SLC35E3: variants seen among roughly 807,000 people sequenced by gnomAD.
SLC35E3 encodes bladder cancer-overexpressed gene 1 protein.
A neutral mutation model predicts 30.8 loss-of-function variants in SLC35E3; 28 were observed. That is an observed-to-expected ratio of 0.91 (90% CI 0.67 to 1.25). The LOEUF is 1.25. Among genes scored for constraint, SLC35E3 ranks in the 50% most tolerant of loss-of-function variants. The pLI is 0.00. For synonymous variants in SLC35E3, 146 were observed against 149.2 expected, an observed-to-expected ratio of 0.98 and a Z score of 0.16; for missense variants, 365 against 375.4, an observed-to-expected ratio of 0.97 and a Z score of 0.23.
rs1879365581 is a variant in SLC35E3, at chr12:68,765,441, G to C, written c.*551G>C. On this transcript the variant is annotated 3_prime_UTR_variant, in exon 5 of 5. Transcript: ENST00000398004. The stretch of plus-strand genomic sequence containing the variant: ...TTGTATAAAATGTATGGAATGGTTA[G>C]CCTGGTGTGGTGGTGCACACCTGTA... 1 of 151,682 alleles carries C rather than the reference G, an allele frequency of 6.6e-6. No individual in the cohort carries two copies. Among genetic ancestry groups the C allele is most frequent in the Non-Finnish European group, 1.5e-5 (1 of 68,026 alleles). The allele number at this position is 151,682 out of a possible 1,614,324, so 9.4% of individuals were successfully genotyped here.
At chr12:68,751,281 TC>T (rs1268563124) in intron 2 of SLC35E3, among the ~76,000 whole-genome samples, 6 of 147,292 alleles carry the variant, frequency 4.1e-5, no homozygotes, top group Admixed American at 2.7e-4. Context: ...TGTCATCGTG[TC>T]CCCCCAACCT....
At chr12:68,762,632 A>C (rs1332306102) in intron 4 of SLC35E3, among the ~76,000 whole-genome samples, 1 of 152,244 alleles carries the variant, frequency 6.6e-6, no homozygotes, top group East Asian at 1.9e-4. Context: ...GGATTCATAA[A>C]TAGTTTCTTT....
chr12:68,756,227 T>A (rs1486229760), intron 3 of SLC35E3, among the ~76,000 whole-genome samples: 10 of 149,230 alleles, frequency 6.7e-5, no homozygotes, highest in Admixed American at 5.4e-4. Context: ...AGAGACCTTA[T>A]ACTACAAGGA....
chr12:68,764,787 A>T lies in SLC35E3; in HGVS notation c.839A>T (p.Gln280Leu). 1 of 1,614,156 alleles carries T rather than the reference A, an allele frequency of 6.2e-7. No individual in the cohort carries two copies. Among genetic ancestry groups the T allele is most frequent in the Non-Finnish European group, 8.5e-7 (1 of 1,180,004 alleles). Reference protein sequence around the residue: ...VLFKDPLSINQALGILCTLFG... With the variant: ...VLFKDPLSINLALGILCTLFG... Reference sequence around the variant, plus strand: ...TTTAAGGATCCACTGTCCATTAATCAGGCCCTTGGCATTTTATGTACATTA... The same window carrying T: ...TTTAAGGATCCACTGTCCATTAATCTGGCCCTTGGCATTTTATGTACATTA... Residue 280 changes from glutamine to leucine, a missense_variant, in exon 5 of 5, where the codon CAG (glutamine) becomes CTG (leucine). Gln to Leu is a moderately radical substitution (Grantham distance 113, BLOSUM62 -2). Coordinates refer to ENST00000398004, the MANE Select transcript of SLC35E3 (RefSeq NM_018656.5).
At chr12:68,763,758 G>C (rs1186009815) in intron 4 of SLC35E3, among the ~76,000 whole-genome samples, 2 of 152,180 alleles carry the variant, frequency 1.3e-5, no homozygotes, top group African/African-American at 4.8e-5. Flanking sequence ...CAATGATTTG[G>C]AAAAATCTTA....
Position 68,777,328 on chromosome 12 carries a change from T to C in SLC35E3, c.*12438T>C, listed in dbSNP as rs1421665049. 1.3e-5 allele frequency: 2 copies of C among 152,116 alleles called. No individual in the cohort carries two copies. Among genetic ancestry groups the C allele is most frequent in the Non-Finnish European group, 2.9e-5 (2 of 68,042 alleles). 9.4% of individuals were successfully genotyped at this position (152,116 alleles called of 1,614,324 possible). ...CAAGCACAGTGCTATTCTTCTGAAA[T>C]CATAACATCATGAGGACATCCACTG... On this transcript the variant is annotated 3_prime_UTR_variant, in exon 5 of 5. Coordinates refer to ENST00000398004, the MANE Select transcript of SLC35E3 (RefSeq NM_018656.5).
At chr12:68,762,627 CATAA>C (rs2136078091) in intron 4 of SLC35E3, among the ~76,000 whole-genome samples, 1 of 152,260 alleles carries the variant, frequency 6.6e-6, no homozygotes, top group African/African-American at 2.4e-5. Flanking sequence ...CAAAAGGATT[CATAA>C]ATAGTTTCTT....
At chr12:68,757,905 T>G (rs1286776057) in intron 3 of SLC35E3, among the ~76,000 whole-genome samples, 2 of 150,640 alleles carry the variant, frequency 1.3e-5, no homozygotes, top group Non-Finnish European at 2.9e-5. Context: ...CTGGCCAACA[T>G]GGTGAAACCC....
At position 68,766,724 on chromosome 12, in the gene SLC35E3, A is replaced by G. The variant is rs1197083874; in HGVS notation, c.*1834A>G. The G allele has an allele frequency of 2.2e-6, 1 of 445,926 alleles. No individual in the cohort carries two copies. The highest frequency in any genetic ancestry group is 4.5e-6 in the Non-Finnish European group (1 of 223,620). The allele number at this position is 445,926 out of a possible 1,614,324, so 27.6% of individuals were successfully genotyped here. A position where few individuals can be genotyped will look rare whatever the true frequency, so the allele number is the denominator to read the frequency against. On this transcript the variant is annotated 3_prime_UTR_variant, in exon 5 of 5. Transcript: ENST00000398004. ...CTCAACCTCCCCAGTAGCTGGGACTACAGGTGCACACCAACATACCTGGCT... is the reference window on the plus strand; with the variant it reads ...CTCAACCTCCCCAGTAGCTGGGACTGCAGGTGCACACCAACATACCTGGCT...
At chr12:68,748,134 A>G in intron 2 of SLC35E3, 94 bp downstream of exon 2, 1 of 723,634 alleles carries the variant, frequency 1.4e-6, no homozygotes, top group Non-Finnish European at 2.4e-6. Context: ...TATAGAGACA[A>G]TAGACTGTTG....
rs182285632 is a variant in SLC35E3 at position 68,769,687 on chromosome 12, C to A, written c.*4797C>A. On this transcript the variant is annotated 3_prime_UTR_variant, in exon 5 of 5. Coordinates refer to ENST00000398004, the MANE Select transcript of SLC35E3 (RefSeq NM_018656.5). ...AAATAAATAATAAAAGAAAGGAGAC[C>A]GGATTTATTAGATGTGGTCCGTTTT... The A allele has an allele frequency of 6.6e-6, 1 of 152,042 alleles. No homozygotes were observed. The highest frequency in any genetic ancestry group is 2.4e-5 in the African/African-American group (1 of 41,492). 9.4% of individuals were successfully genotyped at this position (152,042 alleles called of 1,614,324 possible).
rs537537687 is a variant in SLC35E3, at chr12:68,778,385, T to C, written c.*13495T>C. ...ATAGGTTATCTGTACTCAACAAGCC[T>C]AGAACACACACTCCTTTCAAGTACC... On this transcript the variant is annotated 3_prime_UTR_variant, in exon 5 of 5. Coordinates refer to ENST00000398004, the MANE Select transcript of SLC35E3 (RefSeq NM_018656.5). The C allele has an allele frequency of 6.6e-6, 1 of 152,202 alleles. No individual in the cohort carries two copies. 9.4% of individuals were successfully genotyped at this position (152,202 alleles called of 1,614,324 possible).
rs1879853667 is a variant in SLC35E3 at position 68,780,432 on chromosome 12, C to T, written c.*15542C>T. ...AAGAGATCTGCCCACCTTGGCCTCT[C>T]AAAGTGCTGGGATTACAGGCGTGAG... On this transcript the variant is annotated 3_prime_UTR_variant, in exon 5 of 5. Coordinates refer to ENST00000398004, the MANE Select transcript of SLC35E3 (RefSeq NM_018656.5). 1 of 150,018 alleles carries T rather than the reference C, an allele frequency of 6.7e-6. No individual in the cohort carries two copies. The highest frequency in any genetic ancestry group is 1.5e-5 in the Non-Finnish European group (1 of 67,864). The allele number at this position is 150,018 out of a possible 1,614,324, so 9.3% of individuals were successfully genotyped here.
rs1182617501 is a variant in SLC35E3 at position 68,759,126 on chromosome 12, T to G, written c.673-31T>G. On this transcript the variant is annotated intron_variant, in intron 3 of 4. Coordinates refer to ENST00000398004, the MANE Select transcript of SLC35E3 (RefSeq NM_018656.5). ...CTTGATGATTATGATTGCAGTGCTT[T>G]GCATTAATGGTTCTTTTGGTTTATT... The G allele has an allele frequency of 3.5e-6, 5 of 1,445,492 alleles. No individual in the cohort carries two copies. The African/African-American group carries it at 4.2e-5, about 12-fold the overall frequency. The allele number at this position is 1,445,492 out of a possible 1,614,324, so 89.5% of individuals were successfully genotyped here.
In SLC35E3 at chr12:68,768,263, TG is replaced by T. The variant is rs1370585599; in HGVS notation, c.*3376del. Reference sequence around the variant, plus strand: ...GAGACTGCGCCATTGCACACCAGCCTGGGTGACGAGAGTGAAACTCTGTCTC... The same window carrying T: ...GAGACTGCGCCATTGCACACCAGCCTGGTGACGAGAGTGAAACTCTGTCTC... On this transcript the variant is annotated 3_prime_UTR_variant, in exon 5 of 5. Transcript: ENST00000398004. 6.6e-6 allele frequency: 1 copy of T among 151,492 alleles called. No individual in the cohort carries two copies. Among genetic ancestry groups the T allele is most frequent in the Non-Finnish European group, 1.5e-5 (1 of 67,968 alleles). 9.4% of individuals were successfully genotyped at this position (151,492 alleles called of 1,614,324 possible).
intron 2 of SLC35E3, among the ~76,000 whole-genome samples, chr12:68,748,456 C>T (rs1878677532): frequency 6.6e-6 from 1 of 151,788 alleles, no homozygotes; most frequent in Admixed American, 6.6e-5. Context: ...GATGTTTTTG[C>T]CTCAAAAATT....
chr12:68,768,872 TG>T lies in SLC35E3; in HGVS notation c.*3983del, dbSNP rs1230275678. 1.3e-5 allele frequency: 2 copies of T among 152,388 alleles called. No homozygotes were observed. Among genetic ancestry groups the T allele is most frequent in the East Asian group, 3.9e-4 (2 of 5,190 alleles). 9.4% of individuals were successfully genotyped at this position (152,388 alleles called of 1,614,324 possible). On this transcript the variant is annotated 3_prime_UTR_variant, in exon 5 of 5. Transcript: ENST00000398004. ...CTGTGAAATGAAGTAAGCATTCTTC[TG>T]TTTCACTTTTTAAAATACTTTTAAA...
intron 3 of SLC35E3, among the ~76,000 whole-genome samples, chr12:68,757,315 T>C (rs576298974): frequency 6.6e-6 from 1 of 152,286 alleles, no homozygotes; most frequent in South Asian, 2.1e-4. Flanking sequence ...CCTAACAAAG[T>C]AGAGTAATTG....
At chr12:68,757,676 T>C (rs113045317) in intron 3 of SLC35E3, among the ~76,000 whole-genome samples, 3 of 152,256 alleles carry the variant, frequency 2.0e-5, no homozygotes, top group Non-Finnish European at 4.4e-5. Flanking sequence ...ATGATTTTTA[T>C]TATGTCCTCA....
Sources: gnomAD v4.1 joint callset for allele counts (sites outside exome capture counted in the v4.1 genomes callset) on GRCh38, gnomAD v4.1.1 for gene constraint, MANE v1.5 for transcripts, NCBI Gene and HGNC (gene_info 2026-07-23, HGNC 2026-07-21) for gene names.